SUPT3H: variants seen among roughly 807,000 people sequenced by gnomAD.
SUPT3H encodes the protein transcription initiation protein SPT3 homolog.
SUPT3H carries 44 observed loss-of-function variants against 44.3 expected under a neutral mutation model. The observed-to-expected ratio is 0.99, with a 90% CI of 0.78 to 1.28. The LOEUF is 1.28. Ranked by LOEUF, SUPT3H falls within the 50% of genes most tolerant of loss-of-function variation. The probability of loss-of-function intolerance (pLI) is 0.00; values close to 1 mark genes in which losing one functional copy is unlikely to be tolerated. For missense variants in SUPT3H, 380 were observed against 387.1 expected, an observed-to-expected ratio of 0.98 and a Z score of 0.15; for synonymous variants, 124 against 125.6, an observed-to-expected ratio of 0.99 and a Z score of 0.09.
chr6:44,920,753 G>T (rs1229407981), intron 10 of SUPT3H, among the ~76,000 whole-genome samples: 1 of 152,030 alleles, frequency 6.6e-6, no homozygotes, highest in Non-Finnish European at 1.5e-5. Context: ...TCTCAAAATG[G>T]CATCACTTTA....
intron 2 of SUPT3H, among the ~76,000 whole-genome samples, chr6:45,222,684 T>C (rs924838116): frequency 6.6e-6 from 1 of 152,174 alleles, no homozygotes; most frequent in Admixed American, 6.5e-5. Context: ...ACAGCAATTA[T>C]GCTCTTGGGC....
intron 3 of SUPT3H, among the ~76,000 whole-genome samples, chr6:45,075,467 A>G (rs1222583147): frequency 6.6e-6 from 1 of 152,132 alleles, no homozygotes; most frequent in African/African-American, 2.4e-5. Context: ...CAACCACTGA[A>G]TAACAAAATA....
At chr6:45,084,230 T>C (rs540368113) in intron 3 of SUPT3H, among the ~76,000 whole-genome samples, 1 of 152,114 alleles carries the variant, frequency 6.6e-6, no homozygotes, top group East Asian at 1.9e-4. Context: ...GAGAAAACAT[T>C]CACAAATACC....
intron 10 of SUPT3H, among the ~76,000 whole-genome samples, chr6:44,918,210 C>T (rs2059695036): frequency 6.6e-6 from 1 of 152,148 alleles, no homozygotes; most frequent in South Asian, 2.1e-4. Context: ...CTCCAAGAAA[C>T]ATCATGAAAC....
intron 1 of SUPT3H, among the ~76,000 whole-genome samples, chr6:45,366,136 G>T (rs1181938567): frequency 6.6e-6 from 1 of 152,128 alleles, no homozygotes; most frequent in Admixed American, 6.6e-5. Context: ...TATTTCATAT[G>T]CTTGCATAAA....
At chr6:45,129,535 GA>G (rs1562516621) in intron 2 of SUPT3H, among the ~76,000 whole-genome samples, 3 of 152,086 alleles carry the variant, frequency 2.0e-5, no homozygotes, top group Non-Finnish European at 4.4e-5. Context: ...ATCATTTATT[GA>G]AAGTTCACCG....
intron 2 of SUPT3H, among the ~76,000 whole-genome samples, chr6:45,185,424 A>T (rs1814026323): frequency 1.3e-5 from 2 of 152,192 alleles, no homozygotes; most frequent in Non-Finnish European, 2.9e-5. Flanking sequence ...GTGAAAACTG[A>T]TTATGCAAAG....
At chr6:44,963,680 A>G (rs987769839) in intron 6 of SUPT3H, among the ~76,000 whole-genome samples, 1 of 152,154 alleles carries the variant, frequency 6.6e-6, no homozygotes, top group African/African-American at 2.4e-5. Flanking sequence ...GAAAGGGAGA[A>G]TTTATTTATG....
chr6:45,281,476 A>G (rs1160344782), intron 2 of SUPT3H, among the ~76,000 whole-genome samples: 1 of 152,208 alleles, frequency 6.6e-6, no homozygotes, highest in Non-Finnish European at 1.5e-5. Flanking sequence ...TCCTGTGCCC[A>G]CAAAGCCTCG....
intron 2 of SUPT3H, among the ~76,000 whole-genome samples, chr6:45,308,587 T>C (rs4373351): frequency 0.4 from 60,982 of 151,902 alleles, 12,664 homozygotes; most frequent in East Asian, 0.71. Context: ...CAAGAGCTCC[T>C]GTCCTGGGAT....
At chr6:45,365,065 C>A (rs1794897586) in intron 2 of SUPT3H, 136 bp downstream of exon 2, 1 of 593,932 alleles carries the variant, frequency 1.7e-6, no homozygotes, top group South Asian at 3.6e-5. Context: ...TAAAATGTTA[C>A]CACAGTATTT....
chr6:45,056,934 G>A (rs781683323), intron 3 of SUPT3H, among the ~76,000 whole-genome samples: 2 of 151,954 alleles, frequency 1.3e-5, no homozygotes, highest in Non-Finnish European at 2.9e-5. Context: ...CCACACACAG[G>A]AAAAAAGGCA....
chr6:45,101,387 T>C (rs2153568815), intron 3 of SUPT3H, among the ~76,000 whole-genome samples: 1 of 152,348 alleles, frequency 6.6e-6, no homozygotes, highest in Non-Finnish European at 1.5e-5. Context: ...ATCGTGCCAT[T>C]GCACTCCAGC....
intron 2 of SUPT3H, among the ~76,000 whole-genome samples, chr6:45,357,803 A>T (rs529824589): frequency 6.6e-6 from 1 of 152,210 alleles, no homozygotes; most frequent in Non-Finnish European, 1.5e-5. Context: ...ACTCACAATG[A>T]CATTACATAT....
chr6:44,867,565 C>CTT (rs34627980), intron 10 of SUPT3H, among the ~76,000 whole-genome samples: 9 of 151,772 alleles, frequency 5.9e-5, no homozygotes, highest in African/African-American at 2.2e-4. Flanking sequence ...CAAGTTTTCA[C>CTT]TTTTTTTTAA....
At chr6:45,263,840 T>C (rs1286635578) in intron 2 of SUPT3H, among the ~76,000 whole-genome samples, 2 of 152,318 alleles carry the variant, frequency 1.3e-5, no homozygotes, top group East Asian at 1.9e-4. Flanking sequence ...CAAAGGCACC[T>C]TGGTGATTTC....
intron 3 of SUPT3H, among the ~76,000 whole-genome samples, chr6:45,050,420 G>A (rs932949592): frequency 1.3e-5 from 2 of 150,616 alleles, no homozygotes; most frequent in Non-Finnish European, 2.9e-5. Flanking sequence ...AATAACACAA[G>A]AAGTTAATAC....
Position 45,048,199 on chromosome 6 carries a change from T to C in SUPT3H, c.187-27567A>G, listed in dbSNP as rs550855679. Among the ~76,000 whole-genome samples, 17 of 151,750 alleles carry C rather than the reference T, an allele frequency of 1.1e-4. No individual in the cohort carries two copies. In the South Asian group the frequency reaches 3.3e-3, roughly 30 times the overall value. On this transcript the variant is annotated intron_variant, in intron 3 of 10. Transcript: ENST00000371459. Reference sequence around the variant, plus strand: ...TATGGCTTGCGAATATTTTCTCTCATTTTGTAAGTTGTCTCTCTACTCTTT... The same window carrying C: ...TATGGCTTGCGAATATTTTCTCTCACTTTGTAAGTTGTCTCTCTACTCTTT...
intron 2 of SUPT3H, among the ~76,000 whole-genome samples, chr6:45,293,600 T>C (rs1246716167): frequency 6.6e-6 from 1 of 151,846 alleles, no homozygotes; most frequent in Non-Finnish European, 1.5e-5. Flanking sequence ...CAAGATTAAC[T>C]AAGAAAAGAA....
Sources: allele counts gnomAD v4.1 joint callset (sites outside exome capture counted in the v4.1 genomes callset), GRCh38; gene constraint gnomAD v4.1.1; transcripts MANE v1.5; gene names NCBI Gene and HGNC (gene_info 2026-07-23, HGNC 2026-07-21).